Variants in MIA2 observed in about 807,000 individuals in gnomAD.
The protein encoded by MIA2 is MIA SH3 domain ER export factor 2, also known as melanoma inhibitory activity protein 2.
MIA2 carries 127 observed loss-of-function variants against 167.8 expected under a neutral mutation model. The ratio of observed to expected loss-of-function variants is 0.76; its 90% CI spans 0.66 to 0.88. MIA2 has a LOEUF of 0.88. Among genes scored for constraint, MIA2 ranks in the 40% least tolerant of loss-of-function variants. MIA2 has a pLI of 0.00. For missense variants in MIA2, 1,690 were observed against 1,624.7 expected, an observed-to-expected ratio of 1.04 and a Z score of -0.69; for synonymous variants, 552 against 541.9, an observed-to-expected ratio of 1.02 and a Z score of -0.26.
intron 25 of MIA2, among the ~76,000 whole-genome samples, chr14:39,338,562 G>A (rs2071028038): frequency 6.6e-6 from 1 of 151,162 alleles, no homozygotes. Context: ...CTTGAATAAT[G>A]TAAGTGAGTT....
intron 6 of MIA2, among the ~76,000 whole-genome samples, chr14:39,255,374 G>A (rs936675271): frequency 2.0e-5 from 3 of 152,100 alleles, no homozygotes; most frequent in Non-Finnish European, 4.4e-5. Flanking sequence ...TGGGCGTGGT[G>A]GCGCGCATCT....
In MIA2 at chr14:39,279,451, C is replaced by T. The variant is rs1198250178; in HGVS notation, c.2044C>T (p.Arg682Ter). The change falls in exon 9 of 29, where the codon CGA becomes TGA. Residue 682 changes from arginine to a stop codon, truncating the protein, a stop_gained and splice_region_variant. Transcript: ENST00000640607. LOFTEE classifies it high-confidence loss of function. The part of the protein sequence containing the change: ...RSVRSRLYVG[R>*]EKKLALMLSG... The stretch of plus-strand genomic sequence containing the variant: ...TAATATTGACTTGACTTTTTTAGGA[C>T]GAGAGAAAAAGCTTGCTCTAATGCT... The T allele has an allele frequency of 6.2e-6, 10 of 1,603,624 alleles. No homozygotes were observed. Among genetic ancestry groups the T allele is most frequent in the Non-Finnish European group, 5.9e-6 (7 of 1,177,448 alleles).
chr14:39,249,740 A>G (rs1302683420), intron 4 of MIA2, among the ~76,000 whole-genome samples: 3 of 152,194 alleles, frequency 2.0e-5, no homozygotes, highest in Non-Finnish European at 4.4e-5. Context: ...TTATGACTCT[A>G]TGATGGACAG....
At chr14:39,268,675 CTCT>C (rs1249866420) in intron 6 of MIA2, among the ~76,000 whole-genome samples, 1 of 152,124 alleles carries the variant, frequency 6.6e-6, no homozygotes, top group African/African-American at 2.4e-5. Flanking sequence ...AAAATTTAAG[CTCT>C]TCTTGATAGT....
chr14:39,369,150 C>CT (rs2074884320), intron 23 of MIA2, among the ~76,000 whole-genome samples: 1 of 152,060 alleles, frequency 6.6e-6, no homozygotes, highest in African/African-American at 2.4e-5. Flanking sequence ...ACTGGGAGAT[C>CT]TTTTTTCTTG....
chr14:39,242,601 G>A (rs539411188), intron 3 of MIA2, among the ~76,000 whole-genome samples: 15 of 152,036 alleles, frequency 9.9e-5, no homozygotes, highest in South Asian at 4.1e-4. Context: ...GGAATTACAG[G>A]TGTGAGCCAC....
At chr14:39,338,262 T>TA (rs1268377068) in intron 25 of MIA2, among the ~76,000 whole-genome samples, 1 of 152,224 alleles carries the variant, frequency 6.6e-6, no homozygotes, top group East Asian at 1.9e-4. Context: ...TTCTGGCTGT[T>TA]ACAATACACT....
rs1334309921 is a variant in MIA2 at position 39,277,082 on chromosome 14, A to G, written c.2019+17A>G. ...TTTAGATCGGTAAGTAACCAGTGCTATACTAAGAGAATGTTCATTTTGTCA... is the reference window on the plus strand; with the variant it reads ...TTTAGATCGGTAAGTAACCAGTGCTGTACTAAGAGAATGTTCATTTTGTCA... On this transcript the variant is annotated intron_variant, in intron 7 of 28. Coordinates refer to ENST00000640607, the MANE Select transcript of MIA2 (RefSeq NM_001329214.4). 1.0e-5 allele frequency: 16 copies of G among 1,599,474 alleles called. No individual in the cohort carries two copies. The highest frequency in any genetic ancestry group is 1.8e-5 in the Admixed American group (1 of 56,366).
intron 25 of MIA2, among the ~76,000 whole-genome samples, chr14:39,329,150 G>A (rs142660330): frequency 9.7e-4 from 148 of 152,186 alleles, no homozygotes; most frequent in African/African-American, 3.4e-3. Flanking sequence ...CTTGAGCAGT[G>A]GTTTGTAGTT....
At chr14:39,269,099 T>TTTTTTTTTTTTTAATTTG (rs6145306) in intron 6 of MIA2, 1 of 829,296 alleles carries the variant, frequency 1.2e-6, no homozygotes, top group Non-Finnish European at 1.4e-6. Flanking sequence ...TTTTTTTTTT[T>TTTTTTTTTTTTTAATTTG]GCTAAATGCG....
chr14:39,240,357 T>G (rs1469727652), intron 2 of MIA2, among the ~76,000 whole-genome samples: 2 of 152,242 alleles, frequency 1.3e-5, no homozygotes, highest in Non-Finnish European at 2.9e-5. Context: ...TTTTATGATT[T>G]GGCTCTTTGT....
At chr14:39,357,982 A>G (rs1206274512) in intron 23 of MIA2, among the ~76,000 whole-genome samples, 2 of 152,108 alleles carry the variant, frequency 1.3e-5, no homozygotes, top group African/African-American at 4.8e-5. Flanking sequence ...GGCTGCCCTT[A>G]ACATTTTTTC....
At chr14:39,339,830 T>G (rs1461913064) in intron 25 of MIA2, among the ~76,000 whole-genome samples, 1 of 152,110 alleles carries the variant, frequency 6.6e-6, no homozygotes, top group African/African-American at 2.4e-5. Context: ...CAGTTAAAAT[T>G]TATTTAATTT....
chr14:39,247,634 C>T lies in MIA2; in HGVS notation c.1060C>T (p.Pro354Ser). The T allele has an allele frequency of 6.2e-7, 1 of 1,612,500 alleles. No homozygotes were observed. Among genetic ancestry groups the T allele is most frequent in the Non-Finnish European group, 8.5e-7 (1 of 1,179,638 alleles). ...SISSDKEATV[P>S]CTEILTEKKD... is the part of the protein sequence containing the mutation. ...ATCATCTGATAAAGAAGCCACAGTT[C>T]CATGTACAGAAATATTAACAGAAAA... Residue 354 changes from proline (P) to serine (S), a missense_variant, in exon 4 of 29, where the codon CCA (proline) becomes TCA (serine). Physicochemically the swap from Pro to Ser is moderately conservative, Grantham distance 74 (BLOSUM62 -1). Transcript: ENST00000640607.
chr14:39,288,471 A>AT (rs1428823924), intron 9 of MIA2, among the ~76,000 whole-genome samples: 1 of 51,650 alleles, frequency 1.9e-5, no homozygotes, highest in Admixed American at 3.5e-4. Context: ...ATATATATAT[A>AT]TATATTTTTT....
intron 17 of MIA2, among the ~76,000 whole-genome samples, chr14:39,307,423 A>T (rs2063529527): frequency 8.4e-6 from 1 of 119,376 alleles, no homozygotes; most frequent in Admixed American, 9.9e-5. Flanking sequence ...TTTTTTGGAG[A>T]CAGGGTCTCC....
At chr14:39,383,619 G>C (rs767268175) in intron 23 of MIA2, among the ~76,000 whole-genome samples, 13 of 152,194 alleles carry the variant, frequency 8.5e-5, no homozygotes, top group Non-Finnish European at 1.2e-4. Flanking sequence ...TTGAAACTAG[G>C]CCTCTTGTGC....
intron 25 of MIA2, among the ~76,000 whole-genome samples, chr14:39,339,045 C>T (rs1396468084): frequency 2.0e-5 from 3 of 152,118 alleles, no homozygotes; most frequent in East Asian, 1.9e-4. Flanking sequence ...AGGATGGTTT[C>T]GGGATGAAAG....
chr14:39,298,443 A>ATATATATATATATATGT (rs1372100362), intron 13 of MIA2, among the ~76,000 whole-genome samples: 513 of 49,960 alleles, frequency 0.01, 65 homozygotes, highest in Non-Finnish European at 0.015. Flanking sequence ...ATATATATAT[A>ATATATATATATATATGT]AAGATTAGTT....
Sources: allele counts gnomAD v4.1 joint callset (sites outside exome capture counted in the v4.1 genomes callset), GRCh38; gene constraint gnomAD v4.1.1; transcripts MANE v1.5; gene names NCBI Gene and HGNC (gene_info 2026-07-23, HGNC 2026-07-21).